Variants in ABCB5 observed in about 807,000 individuals in gnomAD.
ABCB5 encodes the protein ATP binding cassette subfamily B member 5.
In ABCB5, 155 loss-of-function variants were observed where a neutral mutation model predicts 144.2. That is an observed-to-expected ratio of 1.08 (90% CI 0.94 to 1.23). The LOEUF is 1.23. ABCB5 is among the 50% of genes most tolerant of loss of function. ABCB5 has a pLI of 0.00. For synonymous variants in ABCB5, 610 were observed against 528.6 expected (o/e 1.15, Z -2.11); for missense variants, 1,830 against 1,520.8 (o/e 1.20, Z -3.38).
chr7:20,664,662 T>C (rs368434958), intron 14 of ABCB5, among the ~76,000 whole-genome samples: 3 of 152,362 alleles, frequency 2.0e-5, no homozygotes, highest in African/African-American at 7.2e-5. Flanking sequence ...TATGCCCTTA[T>C]GGAAAAAAAT....
intron 20 of ABCB5, among the ~76,000 whole-genome samples, chr7:20,714,759 C>T (rs541874178): frequency 6.6e-6 from 1 of 152,256 alleles, no homozygotes; most frequent in African/African-American, 2.4e-5. Context: ...CAAAGATATG[C>T]AAGTACAAGC....
intron 24 of ABCB5, among the ~76,000 whole-genome samples, chr7:20,741,314 T>G (rs1782554387): frequency 6.6e-6 from 1 of 152,012 alleles, no homozygotes; most frequent in African/African-American, 2.4e-5. Context: ...TGTGAGCTAT[T>G]ATACAAAATA....
intron 22 of ABCB5, among the ~76,000 whole-genome samples, chr7:20,727,632 G>A (rs1242967284): frequency 6.6e-6 from 1 of 152,106 alleles, no homozygotes; most frequent in Non-Finnish European, 1.5e-5. Flanking sequence ...CTACTTGGAG[G>A]CTGAGGCAGG....
chr7:20,629,917 G>A (rs1783999857), intron 4 of ABCB5, among the ~76,000 whole-genome samples: 1 of 152,118 alleles, frequency 6.6e-6, no homozygotes, highest in Admixed American at 6.5e-5. Context: ...CAGAAGAGAA[G>A]CAGAAAATTA....
intron 16 of ABCB5, among the ~76,000 whole-genome samples, chr7:20,689,052 C>T (rs899699887): frequency 6.6e-5 from 10 of 152,014 alleles, no homozygotes; most frequent in African/African-American, 2.2e-4. Context: ...ACCAACATGG[C>T]ACATGTATAC....
At chr7:20,628,123 A>T (rs1783949034) in intron 3 of ABCB5, among the ~76,000 whole-genome samples, 1 of 152,160 alleles carries the variant, frequency 6.6e-6, no homozygotes, top group Admixed American at 6.5e-5. Context: ...CTTGACATTT[A>T]CATTAGGTAT....
At chr7:20,667,589 C>A (rs541731823) in intron 14 of ABCB5, 2 of 948,634 alleles carry the variant, frequency 2.1e-6, no homozygotes, top group African/African-American at 3.5e-5. Context: ...ATTGTGAAAT[C>A]ATTGAGCTAA....
chr7:20,702,815 C>T (rs1014648949), intron 19 of ABCB5, among the ~76,000 whole-genome samples: 24 of 149,004 alleles, frequency 1.6e-4, no homozygotes, highest in African/African-American at 5.9e-4. Flanking sequence ...GCGCCCACCG[C>T]CACGCCTGGC....
At chr7:20,731,131 GAT>G (rs1782198369) in intron 23 of ABCB5, among the ~76,000 whole-genome samples, 2 of 151,860 alleles carry the variant, frequency 1.3e-5, no homozygotes, top group Admixed American at 6.6e-5. Flanking sequence ...GAGGTGGGTG[GAT>G]CACAAGGTCA....
intron 26 of ABCB5, among the ~76,000 whole-genome samples, chr7:20,751,679 C>T (rs1360896123): frequency 6.6e-6 from 1 of 152,138 alleles, no homozygotes; most frequent in Non-Finnish European, 1.5e-5. Context: ...ATTCCCACCT[C>T]CCTTCCCAAT....
chr7:20,752,229 A>C (rs1013137571), intron 26 of ABCB5, among the ~76,000 whole-genome samples: 12 of 152,194 alleles, frequency 7.9e-5, no homozygotes, highest in African/African-American at 2.9e-4. Flanking sequence ...CCATCTACAC[A>C]TTCTTGTCTA....
At chr7:20,633,014 T>TAATA (rs566634496) in intron 5 of ABCB5, among the ~76,000 whole-genome samples, 2,717 of 151,170 alleles carry the variant, frequency 0.018, 55 homozygotes, top group African/African-American at 0.054. Flanking sequence ...AGTATAATAA[T>TAATA]AATAAATAAA....
rs1382875211 is a variant in ABCB5 at position 20,756,733 on chromosome 7, A to G, written c.*1109A>G. ...AAAATAATTTCCTTAAATTTTATATATACTTTATCATATATAATGTGTGAA... is the reference window on the plus strand; with the variant it reads ...AAAATAATTTCCTTAAATTTTATATGTACTTTATCATATATAATGTGTGAA... On this transcript the variant is annotated 3_prime_UTR_variant, in exon 28 of 28. Transcript: ENST00000404938. 1 of 152,218 alleles carries G rather than the reference A, an allele frequency of 6.6e-6. No homozygotes were observed. Among genetic ancestry groups the G allele is most frequent in the Non-Finnish European group, 1.5e-5 (1 of 68,042 alleles). The allele number at this position is 152,218 out of a possible 1,614,324, so 9.4% of individuals were successfully genotyped here. A position where few individuals can be genotyped will look rare whatever the true frequency, so the allele number is the denominator to read the frequency against.
In ABCB5 at chr7:20,717,883, C is replaced by CTTTTTTTTTTTTTTTTTTT. The variant is rs574592723; in HGVS notation, c.2422-5115_2422-5097dup. Among the ~76,000 whole-genome samples, 2 of 43,208 alleles carry CTTTTTTTTTTTTTTTTTTT rather than the reference C, an allele frequency of 4.6e-5. 1 individual carries two copies. The highest frequency in any genetic ancestry group is 9.4e-5 in the Non-Finnish European group (2 of 21,286). The allele number at this position is 43,208 out of a possible 152,430, so 28.3% of individuals were successfully genotyped here. ...AATACGGTAACATTCTTGTAACATT[C>CTTTTTTTTTTTTTTTTTTT]TTTTTTTTTTTTTTTTTTTTTTTTT... On this transcript the variant is annotated intron_variant, in intron 20 of 27. Coordinates refer to ENST00000404938, the MANE Select transcript of ABCB5 (RefSeq NM_001163941.2).
intron 13 of ABCB5, among the ~76,000 whole-genome samples, chr7:20,656,371 G>A (rs1240104239): frequency 2.6e-5 from 4 of 152,060 alleles, no homozygotes; most frequent in Non-Finnish European, 4.4e-5. Context: ...ATACATGTCC[G>A]ACAAGGACAT....
intron 16 of ABCB5, among the ~76,000 whole-genome samples, chr7:20,691,395 C>G (rs1438926527): frequency 6.6e-6 from 1 of 151,250 alleles, no homozygotes; most frequent in Non-Finnish European, 1.5e-5. Flanking sequence ...AGAGAAAAGC[C>G]CAGAGATCTG....
chr7:20,661,650 T>A (rs930229185), intron 14 of ABCB5, among the ~76,000 whole-genome samples: 1 of 151,314 alleles, frequency 6.6e-6, no homozygotes, highest in African/African-American at 2.4e-5. Context: ...TTATCCTGCC[T>A]CAGGCTCCTG....
In ABCB5 at chr7:20,626,415, A is replaced by AT. The variant is rs1783910505; in HGVS notation, c.54-140dup. 1.9e-5 allele frequency: 12 copies of AT among 635,004 alleles called. No homozygotes were observed. In the South Asian group the frequency reaches 2.9e-4, roughly 15 times the overall value. 39.3% of individuals were successfully genotyped at this position (635,004 alleles called of 1,614,324 possible). A position where few individuals can be genotyped will look rare whatever the true frequency, so the allele number is the denominator to read the frequency against. On this transcript the variant is annotated intron_variant, in intron 2 of 27. Transcript: ENST00000404938. ...AGACAACCAGTGACAACTGTCTATCATTAAGTTTATTTTTAAAATTTCAGT... is the reference window on the plus strand; with the variant it reads ...AGACAACCAGTGACAACTGTCTATCATTTAAGTTTATTTTTAAAATTTCAGT...
chr7:20,651,378 A>G (rs759150143), intron 12 of ABCB5, 42 bp from the exon 13 acceptor site: 3 of 1,602,936 alleles, frequency 1.9e-6, no homozygotes, highest in Non-Finnish European at 2.6e-6. Flanking sequence ...AAATCAATAC[A>G]GTAAAAGGCA....
Sources: allele counts gnomAD v4.1 joint callset (sites outside exome capture counted in the v4.1 genomes callset), GRCh38; gene constraint gnomAD v4.1.1; transcripts MANE v1.5; gene names NCBI Gene and HGNC (gene_info 2026-07-23, HGNC 2026-07-21).